MGRN1: variants seen among roughly 807,000 people sequenced by gnomAD.
MGRN1 encodes mahogunin ring finger 1.
MGRN1 carries 29 observed loss-of-function variants against 69.2 expected under a neutral mutation model. The ratio of observed to expected loss-of-function variants is 0.42; its 90% CI spans 0.31 to 0.57. The LOEUF is 0.57. Ranked by LOEUF, MGRN1 falls within the 20% of genes least tolerant of loss-of-function variation. MGRN1 has a pLI of 0.15. For synonymous variants in MGRN1, 470 were observed against 344.2 expected (o/e 1.37, Z -4.04); for missense variants, 998 against 796.2 (o/e 1.25, Z -3.05).
At chr16:4,681,869 G>A in intron 13 of MGRN1, 93 bp downstream of exon 13, 1 of 1,281,674 alleles carries the variant, frequency 7.8e-7, no homozygotes, top group East Asian at 2.5e-5. Flanking sequence ...TTTGTGATGT[G>A]TTCTGTGTGG....
intron 5 of MGRN1, among the ~76,000 whole-genome samples, chr16:4,658,211 C>T (rs1445695583): frequency 1.3e-5 from 2 of 151,974 alleles, no homozygotes; most frequent in Non-Finnish European, 2.9e-5. Flanking sequence ...CTTGCAAAGA[C>T]CCTGGTCCAG....
intron 1 of MGRN1, among the ~76,000 whole-genome samples, chr16:4,648,480 C>T (rs1204830042): frequency 8.5e-6 from 1 of 117,800 alleles, no homozygotes; most frequent in Admixed American, 7.9e-5. Flanking sequence ...CTGGCTCCTC[C>T]TCCCGGGGGC....
chr16:4,668,364 C>T lies in MGRN1; in HGVS notation c.726+52C>T, dbSNP rs781684144. On this transcript the variant is annotated intron_variant, in intron 8 of 16. Coordinates refer to ENST00000262370, the MANE Select transcript of MGRN1 (RefSeq NM_015246.4). The stretch of plus-strand genomic sequence containing the variant: ...GCTTGAATTAAAAGACACACATATA[C>T]AATCACTCACACGCATACTCATACA... The T allele has an allele frequency of 3.8e-6, 6 of 1,581,156 alleles. No homozygotes were observed. In the Admixed American group the frequency reaches 5.0e-5, roughly 13 times the overall value.
chr16:4,683,343 T>C, intron 15 of MGRN1, 74 bp downstream of exon 15: 1 of 1,540,070 alleles, frequency 6.5e-7, no homozygotes, highest in Non-Finnish European at 8.9e-7. Context: ...GCCTTAGGGC[T>C]CCAGGTGGTG....
chr16:4,637,853 A>AG (rs975968039), intron 1 of MGRN1, among the ~76,000 whole-genome samples: 2 of 152,324 alleles, frequency 1.3e-5, no homozygotes, highest in South Asian at 4.1e-4. Flanking sequence ...AGCCCTGTCT[A>AG]GGGGGTGGGG....
At chr16:4,649,382 C>G (rs2078351384) in intron 1 of MGRN1, 1 of 152,242 alleles carries the variant, frequency 6.6e-6, no homozygotes, top group South Asian at 2.1e-4. Context: ...AGGCACACGT[C>G]AGAAACCGAG....
intron 7 of MGRN1, among the ~76,000 whole-genome samples, 188 bp from the exon 8 acceptor site, chr16:4,668,077 C>G (rs2141934241): frequency 6.6e-6 from 1 of 151,578 alleles, no homozygotes; most frequent in East Asian, 1.9e-4. Context: ...AGGCCTGAGG[C>G]CGTGTTTTCA....
At chr16:4,686,513 T>C (rs1032843771) in intron 16 of MGRN1, 2 of 1,375,306 alleles carry the variant, frequency 1.5e-6, no homozygotes, top group Non-Finnish European at 1.9e-6. Context: ...GTCCTGACTT[T>C]CGGGGCCAGA....
In MGRN1 at chr16:4,689,112, C is replaced by G; in HGVS notation, c.*204C>G. ...TTTTCTACAGTTGATATATTTGTAACTGGTACAAGATGAAGGACAGCAGCT... is the reference window on the plus strand; with the variant it reads ...TTTTCTACAGTTGATATATTTGTAAGTGGTACAAGATGAAGGACAGCAGCT... On this transcript the variant is annotated 3_prime_UTR_variant, in exon 17 of 17. Transcript: ENST00000262370. 1 of 668,040 alleles carries G rather than the reference C, an allele frequency of 1.5e-6. No individual in the cohort carries two copies. Among genetic ancestry groups the G allele is most frequent in the South Asian group, 2.8e-5 (1 of 35,860 alleles). The allele number at this position is 668,040 out of a possible 1,614,324, so 41.4% of individuals were successfully genotyped here.
chr16:4,642,238 C>G (rs775922809), intron 1 of MGRN1, among the ~76,000 whole-genome samples: 43 of 150,924 alleles, frequency 2.8e-4, no homozygotes, highest in Non-Finnish European at 5.3e-4. Context: ...TCGAGAGATT[C>G]TCCTGTCTCA....
At chr16:4,687,374 C>G (rs1040177203) in intron 16 of MGRN1, 1 of 929,016 alleles carries the variant, frequency 1.1e-6, no homozygotes, top group Non-Finnish European at 1.3e-6. Flanking sequence ...CATAGACCCC[C>G]TCTCTATGAA....
chr16:4,682,079 G>T (rs1321254895), intron 13 of MGRN1, among the ~76,000 whole-genome samples: 2 of 152,228 alleles, frequency 1.3e-5, no homozygotes, highest in African/African-American at 4.8e-5. Context: ...CTGTGTCTCT[G>T]CTGAGGGGAG....
chr16:4,648,265 T>C (rs1267292973), intron 1 of MGRN1, among the ~76,000 whole-genome samples: 3 of 150,432 alleles, frequency 2.0e-5, no homozygotes, highest in African/African-American at 7.4e-5. Context: ...CGGCTCCTCC[T>C]CCCGGGGACT....
intron 7 of MGRN1, 114 bp from the exon 8 acceptor site, chr16:4,668,151 T>TTC: frequency 1.4e-6 from 1 of 730,664 alleles, no homozygotes; most frequent in South Asian, 2.1e-5. Context: ...TTTTTCTTTT[T>TTC]CCAGCTGTGG....
At chr16:4,677,412 C>A (rs780451658) in intron 10 of MGRN1, 51 bp from the exon 11 acceptor site, 1 of 1,428,068 alleles carries the variant, frequency 7.0e-7, no homozygotes, top group Non-Finnish European at 9.3e-7. Context: ...AGGGTCCCCT[C>A]GGGGCTGGGT....
chr16:4,642,524 A>G (rs2078183671), intron 1 of MGRN1, among the ~76,000 whole-genome samples: 1 of 148,230 alleles, frequency 6.7e-6, no homozygotes. Context: ...TGGGGGTTTC[A>G]CCTTGTTGCC....
intron 5 of MGRN1, among the ~76,000 whole-genome samples, chr16:4,657,575 G>C (rs1031434677): frequency 6.6e-6 from 1 of 152,194 alleles, no homozygotes; most frequent in Admixed American, 6.5e-5. Flanking sequence ...ACCAGAGGCC[G>C]ACCAGGCAGC....
chr16:4,630,808 CT>C (rs58149708), intron 1 of MGRN1, among the ~76,000 whole-genome samples: 4,550 of 109,224 alleles, frequency 0.042, 159 homozygotes, highest in African/African-American at 0.12. Context: ...AGAGTTAATT[CT>C]TTTTTTTTTT....
chr16:4,655,078 C>T (rs1260049275), intron 4 of MGRN1, among the ~76,000 whole-genome samples: 1 of 152,208 alleles, frequency 6.6e-6, no homozygotes, highest in East Asian at 1.9e-4. Context: ...CCTTGCACCC[C>T]ACTGCTTGGG....
Sources: allele counts gnomAD v4.1 joint callset (sites outside exome capture counted in the v4.1 genomes callset), GRCh38; gene constraint gnomAD v4.1.1; transcripts MANE v1.5; gene names NCBI Gene and HGNC (gene_info 2026-07-23, HGNC 2026-07-21).